Variants in TMEM45A observed in about 807,000 individuals in gnomAD.
TMEM45A encodes transmembrane protein 45A.
In TMEM45A, 25 loss-of-function variants were observed where a neutral mutation model predicts 32.0. That is an observed-to-expected ratio of 0.78 (90% CI 0.57 to 1.09). The LOEUF (loss-of-function observed/expected upper bound fraction) is 1.09, where lower values mean the gene tolerates loss of function less well. TMEM45A is among the 50% of genes least tolerant of loss of function. The pLI is 0.00. For missense variants in TMEM45A, 302 were observed against 325.0 expected (o/e 0.93, Z 0.54); for synonymous variants, 122 against 114.8 (o/e 1.06, Z -0.40).
chr3:100,505,234 C>T lies in TMEM45A; in HGVS notation c.-4+12306C>T, dbSNP rs547428861. Among the ~76,000 whole-genome samples the T allele has an allele frequency of 3.9e-4, 60 of 152,248 alleles. 2 individuals carry two copies. The highest frequency in any genetic ancestry group is 3.9e-3 in the South Asian group (19 of 4,822). On this transcript the variant is annotated intron_variant, in intron 1 of 5. Transcript: ENST00000323523. ...CACCCGGGAGAGACACCCATCTCAC[C>T]ACGTGCTCTACCATGGCAATGAATG...
intron 1 of TMEM45A, among the ~76,000 whole-genome samples, chr3:100,548,538 G>A (rs976940896): frequency 3.9e-5 from 6 of 152,002 alleles, no homozygotes; most frequent in Non-Finnish European, 2.9e-5. Context: ...TGGTCACTGC[G>A]GGCTCCTCCT....
At chr3:100,534,984 C>T (rs1400001091) in intron 1 of TMEM45A, among the ~76,000 whole-genome samples, 2 of 152,212 alleles carry the variant, frequency 1.3e-5, no homozygotes, top group Non-Finnish European at 2.9e-5. Context: ...CCAATAGGAA[C>T]CACTGTTCTC....
At chr3:100,542,874 G>C (rs536083585) in intron 1 of TMEM45A, among the ~76,000 whole-genome samples, 78 of 152,110 alleles carry the variant, frequency 5.1e-4, no homozygotes, top group African/African-American at 1.8e-3. Context: ...ATAGGCATTG[G>C]GGACCACTAG....
At chr3:100,538,684 A>G (rs1559644221) in intron 1 of TMEM45A, among the ~76,000 whole-genome samples, 1 of 152,230 alleles carries the variant, frequency 6.6e-6, no homozygotes, top group Non-Finnish European at 1.5e-5. Flanking sequence ...CAATAGCAGC[A>G]AAACCCTTCC....
At chr3:100,573,480 A>C (rs1706614040) in intron 5 of TMEM45A, 1 of 152,242 alleles carries the variant, frequency 6.6e-6, no homozygotes. Flanking sequence ...GAAGTTGCTT[A>C]TCAGCTTAAG....
At chr3:100,517,145 C>A (rs1708276602) in intron 1 of TMEM45A, among the ~76,000 whole-genome samples, 2 of 151,768 alleles carry the variant, frequency 1.3e-5, no homozygotes, top group Admixed American at 6.6e-5. Flanking sequence ...AAGACAGAGT[C>A]TCTCTCTGTC....
intron 1 of TMEM45A, among the ~76,000 whole-genome samples, chr3:100,554,302 G>A (rs1706169327): frequency 6.6e-6 from 1 of 152,164 alleles, no homozygotes; most frequent in African/African-American, 2.4e-5. Flanking sequence ...TATCTGGCTA[G>A]GTGGGGCTAA....
chr3:100,523,879 G>A (rs1028405837), intron 1 of TMEM45A, among the ~76,000 whole-genome samples: 7 of 151,824 alleles, frequency 4.6e-5, no homozygotes, highest in East Asian at 1.9e-4. Context: ...TATCTGGGAT[G>A]TGTGCTAATT....
At chr3:100,574,452 A>G (rs1367124244) in intron 5 of TMEM45A, 1 of 152,266 alleles carries the variant, frequency 6.6e-6, no homozygotes, top group Non-Finnish European at 1.5e-5. Context: ...TAAACCAGGA[A>G]GAAGTTGAAT....
chr3:100,567,586 C>T (rs1215693073), intron 4 of TMEM45A, among the ~76,000 whole-genome samples: 2 of 141,846 alleles, frequency 1.4e-5, no homozygotes, highest in Non-Finnish European at 3.0e-5. Context: ...CTGTAGATTG[C>T]TTTGGGTGGT....
intron 5 of TMEM45A, chr3:100,573,541 C>T (rs1359445112): frequency 6.6e-6 from 1 of 152,216 alleles, no homozygotes; most frequent in African/African-American, 2.4e-5. Context: ...ATCACGTCAT[C>T]TGCAAACAGG....
chr3:100,500,985 T>C (rs1708001097), intron 1 of TMEM45A, among the ~76,000 whole-genome samples: 1 of 152,128 alleles, frequency 6.6e-6, no homozygotes. Flanking sequence ...TTTAGAAAGG[T>C]AAACTGTACT....
chr3:100,564,767 A>G (rs1229753329), intron 4 of TMEM45A, among the ~76,000 whole-genome samples: 2 of 152,228 alleles, frequency 1.3e-5, no homozygotes, highest in East Asian at 3.8e-4. Flanking sequence ...TACAGGCGTG[A>G]GCCACCACAC....
At chr3:100,508,400 A>G (rs910479924) in intron 1 of TMEM45A, among the ~76,000 whole-genome samples, 4 of 152,154 alleles carry the variant, frequency 2.6e-5, no homozygotes, top group Non-Finnish European at 4.4e-5. Context: ...ACATCCCCTT[A>G]CATCTACTCA....
In TMEM45A at chr3:100,519,704, C is replaced by T. The variant is rs892439467; in HGVS notation, c.-4+26776C>T. ...AGACCTAGTTTGAACCTGACTGTAC[C>T]GTGTATTTATGACATTGTGCAAGTA... On this transcript the variant is annotated intron_variant, in intron 1 of 5. Coordinates refer to ENST00000323523, the MANE Select transcript of TMEM45A (RefSeq NM_018004.3). 8.5e-5 allele frequency: 107 copies of T among 1,264,554 alleles called. No individual in the cohort carries two copies. In the East Asian group the frequency reaches 1.4e-3, roughly 17 times the overall value. The allele number at this position is 1,264,554 out of a possible 1,614,324, so 78.3% of individuals were successfully genotyped here. A position where few individuals can be genotyped will look rare whatever the true frequency, so the allele number is the denominator to read the frequency against.
intron 1 of TMEM45A, among the ~76,000 whole-genome samples, 187 bp downstream of exon 1, chr3:100,493,115 C>A (rs1707870523): frequency 8.3e-6 from 1 of 120,444 alleles, no homozygotes; most frequent in African/African-American, 3.1e-5. Context: ...TTTTGGTTTG[C>A]TATTCTTTTT....
At chr3:100,524,762 G>A (rs1411195548) in intron 1 of TMEM45A, among the ~76,000 whole-genome samples, 1 of 152,172 alleles carries the variant, frequency 6.6e-6, no homozygotes, top group Non-Finnish European at 1.5e-5. Flanking sequence ...GGTTTCTGAG[G>A]TGGTCTTCAA....
At chr3:100,551,673 G>A (rs887962720) in intron 1 of TMEM45A, among the ~76,000 whole-genome samples, 4 of 152,202 alleles carry the variant, frequency 2.6e-5, no homozygotes, top group African/African-American at 7.2e-5. Context: ...GAAATAAGAT[G>A]AATGATGTTT....
At chr3:100,572,358 G>C (rs1559655947) in intron 5 of TMEM45A, 1 of 152,144 alleles carries the variant, frequency 6.6e-6, no homozygotes, top group Non-Finnish European at 1.5e-5. Flanking sequence ...CAGTGATGGT[G>C]AGCATTTTTT....
Sources: allele counts gnomAD v4.1 joint callset (sites outside exome capture counted in the v4.1 genomes callset), GRCh38; gene constraint gnomAD v4.1.1; transcripts MANE v1.5; gene names NCBI Gene and HGNC (gene_info 2026-07-23, HGNC 2026-07-21).